The following PTPRJ variants were observed in gnomAD, a reference collection of about 807,000 sequenced individuals.
PTPRJ encodes protein tyrosine phosphatase receptor type J, also known as receptor-type tyrosine-protein phosphatase eta.
PTPRJ carries 129 observed loss-of-function variants against 141.3 expected under a neutral mutation model. The observed-to-expected ratio is 0.91, with a 90% CI of 0.79 to 1.06. The LOEUF (loss-of-function observed/expected upper bound fraction) is 1.06, where lower values mean the gene tolerates loss of function less well. PTPRJ is among the 50% of genes least tolerant of loss of function. PTPRJ has a pLI of 0.00. For synonymous variants in PTPRJ, 610 were observed against 640.5 expected (o/e 0.95, Z 0.72); for missense variants, 1,601 against 1,679.7 (o/e 0.95, Z 0.82).
chr11:48,128,070 C>A (rs959800778), intron 7 of PTPRJ, 27 bp downstream of exon 7: 3 of 1,600,590 alleles, frequency 1.9e-6, no homozygotes, highest in Admixed American at 3.3e-5. Flanking sequence ...CTCTCACCAC[C>A]CTTTCCTGCT....
chr11:48,127,844 G>C lies in PTPRJ; in HGVS notation c.1158G>C (p.Trp386Cys), dbSNP rs773352154. 6.2e-7 allele frequency: 1 copy of C among 1,614,170 alleles called. No individual in the cohort carries two copies. The highest frequency in any genetic ancestry group is 8.5e-7 in the Non-Finnish European group (1 of 1,180,016). ...GTGCCACAAGCCTGACCCTGATCTG[G>C]AAAGTCAGCGATAACGAGTCGTCAT... is the stretch of plus-strand genomic sequence containing the variant. ...NISATSLTLI[W>C]KVSDNESSSN... The change falls in exon 7 of 25, where the codon TGG (tryptophan) becomes TGC (cysteine). Residue 386 changes from tryptophan to cysteine, a missense_variant. Transcript: ENST00000418331.
chr11:48,000,345 T>C (rs573866141), intron 1 of PTPRJ, among the ~76,000 whole-genome samples: 2 of 150,812 alleles, frequency 1.3e-5, no homozygotes, highest in Non-Finnish European at 3.0e-5. Flanking sequence ...GGGGTCTCAC[T>C]ATGTTGCCAC....
At chr11:48,161,361 G>A (rs1445469801) in intron 22 of PTPRJ, among the ~76,000 whole-genome samples, 1 of 152,026 alleles carries the variant, frequency 6.6e-6, no homozygotes, top group Non-Finnish European at 1.5e-5. Context: ...TGAATCTTTT[G>A]GGTGGGTTTT....
chr11:48,040,008 T>C (rs1235208967), intron 1 of PTPRJ, among the ~76,000 whole-genome samples: 2 of 152,194 alleles, frequency 1.3e-5, no homozygotes, highest in South Asian at 2.1e-4. Flanking sequence ...AGGCTGGTCT[T>C]GAACTCCTGA....
In PTPRJ at chr11:48,167,308, T is replaced by C; in HGVS notation, c.3960T>C (p.Tyr1320=). Residue 1320 remains tyrosine (Y), a synonymous_variant, in exon 25 of 25, where the codon TAT becomes TAC. Coordinates refer to ENST00000418331, the MANE Select transcript of PTPRJ (RefSeq NM_002843.4). ...IYQNTTAMTI[Y]ENLAPVTTFG... ...AGAACACAACTGCAATGACAATCTA[T>C]GAAAACCTTGCGCCCGTGACCACAT... The C allele has an allele frequency of 6.2e-7, 1 of 1,614,110 alleles. No homozygotes were observed.
intron 1 of PTPRJ, among the ~76,000 whole-genome samples, chr11:48,108,469 T>C (rs1470091865): frequency 1.3e-5 from 2 of 152,342 alleles, no homozygotes; most frequent in Admixed American, 1.3e-4. Context: ...CACTCCATGG[T>C]TCTGTGCTGA....
At position 47,984,011 on chromosome 11, in the gene PTPRJ, A is replaced by G. The variant is rs1590380350; in HGVS notation, c.96+3003A>G. ...TCTTTAAACTGCTTGTTAGATTCTC[A>G]TATGAGTGACTTTAAATATTTTTGT... On this transcript the variant is annotated intron_variant, in intron 1 of 24. Coordinates refer to ENST00000418331, the MANE Select transcript of PTPRJ (RefSeq NM_002843.4). Among the ~76,000 whole-genome samples the G allele has an allele frequency of 2.6e-5, 4 of 152,348 alleles. No individual in the cohort carries two copies. The South Asian group carries it at 8.3e-4, about 32-fold the overall frequency.
intron 1 of PTPRJ, among the ~76,000 whole-genome samples, chr11:48,011,270 G>C (rs1248592027): frequency 6.6e-6 from 1 of 152,176 alleles, no homozygotes; most frequent in Admixed American, 6.6e-5. Flanking sequence ...GATCAAGCCT[G>C]TGCAGCAATA....
In PTPRJ at chr11:48,139,612, A is replaced by T. The variant is rs185693551; in HGVS notation, c.2279A>T (p.Asn760Ile). The T allele has an allele frequency of 9.9e-6, 16 of 1,614,276 alleles. No homozygotes were observed. Among genetic ancestry groups the T allele is most frequent in the Admixed American group, 5.0e-5 (3 of 60,026 alleles). ...CTGGAGGTCAGCAGTGGAGCCTGGAACAATGCGACCCACCTGGAGAGCTGC... is the reference window on the plus strand; with the variant it reads ...CTGGAGGTCAGCAGTGGAGCCTGGATCAATGCGACCCACCTGGAGAGCTGC... The part of the protein sequence containing the change: ...FELEVSSGAW[N>I]NATHLESCSS... Residue 760 changes from asparagine to isoleucine, a missense_variant, in exon 11 of 25, where the codon AAC becomes ATC. Physicochemically the swap from Asn to Ile is moderately radical, Grantham distance 149. Coordinates refer to ENST00000418331, the MANE Select transcript of PTPRJ (RefSeq NM_002843.4).
chr11:48,047,046 G>A (rs568525301), intron 1 of PTPRJ, among the ~76,000 whole-genome samples: 6 of 150,858 alleles, frequency 4.0e-5, no homozygotes, highest in African/African-American at 1.5e-4. Flanking sequence ...CTCCTGAGTA[G>A]CTGGGATTAC....
intron 1 of PTPRJ, among the ~76,000 whole-genome samples, chr11:48,029,627 A>G (rs1853927564): frequency 6.6e-6 from 1 of 152,236 alleles, no homozygotes; most frequent in South Asian, 2.1e-4. Context: ...ATGCATATAT[A>G]AAGGGTGCTC....
At chr11:48,009,166 C>T (rs1264031252) in intron 1 of PTPRJ, among the ~76,000 whole-genome samples, 3 of 152,102 alleles carry the variant, frequency 2.0e-5, no homozygotes, top group African/African-American at 4.8e-5. Flanking sequence ...AAGTATTGAG[C>T]GGTGGAGGAT....
intron 1 of PTPRJ, among the ~76,000 whole-genome samples, chr11:48,056,898 G>A (rs1854767471): frequency 6.6e-6 from 1 of 152,230 alleles, no homozygotes; most frequent in Admixed American, 6.5e-5. Flanking sequence ...AGGTTGCAGT[G>A]AGCCGAGATT....
intron 1 of PTPRJ, among the ~76,000 whole-genome samples, chr11:48,042,790 G>A (rs1367024750): frequency 6.6e-6 from 1 of 151,702 alleles, no homozygotes; most frequent in Non-Finnish European, 1.5e-5. Context: ...GTGTGTGAGA[G>A]AGAGAGAGAG....
At chr11:47,983,232 G>C (rs1183305062) in intron 1 of PTPRJ, among the ~76,000 whole-genome samples, 2 of 152,076 alleles carry the variant, frequency 1.3e-5, no homozygotes, top group African/African-American at 4.8e-5. Context: ...TTTAATGATA[G>C]GGACGTATCA....
At position 48,169,021 on chromosome 11, in the gene PTPRJ, G is replaced by A. The variant is rs1365424979; in HGVS notation, c.*1659G>A. The A allele has an allele frequency of 1.3e-5, 2 of 151,964 alleles. No individual in the cohort carries two copies. Among genetic ancestry groups the A allele is most frequent in the African/African-American group, 2.4e-5 (1 of 41,348 alleles). The allele number at this position is 151,964 out of a possible 1,614,324, so 9.4% of individuals were successfully genotyped here. A position where few individuals can be genotyped will look rare whatever the true frequency, so the allele number is the denominator to read the frequency against. ...GGTGTGTCCTGTTGAGAATGTGAGCGGGCTCTTCCAGCCTCCTGGTCCCTC... is the reference window on the plus strand; with the variant it reads ...GGTGTGTCCTGTTGAGAATGTGAGCAGGCTCTTCCAGCCTCCTGGTCCCTC... On this transcript the variant is annotated 3_prime_UTR_variant, in exon 25 of 25. Coordinates refer to ENST00000418331, the MANE Select transcript of PTPRJ (RefSeq NM_002843.4).
intron 1 of PTPRJ, among the ~76,000 whole-genome samples, chr11:48,053,703 A>G (rs994085776): frequency 4.7e-5 from 7 of 148,514 alleles, no homozygotes; most frequent in African/African-American, 1.7e-4. Context: ...CAGCCTCCCA[A>G]GCAGCTGGGA....
At position 48,123,776 on chromosome 11, in the gene PTPRJ, G is replaced by C. The variant is rs542341972; in HGVS notation, c.780G>C (p.Ser260=). ...ACTCAAGACTTCAGGTCAATATCTC[G>C]GGCCTGAAGCCAGGGGTTCAATACA... ...TQDSRLQVNI[S]GLKPGVQYNI... The change falls in exon 5 of 25, where the codon TCG becomes TCC. Residue 260 remains serine (S), a synonymous_variant. Coordinates refer to ENST00000418331, the MANE Select transcript of PTPRJ (RefSeq NM_002843.4). The C allele has an allele frequency of 1.2e-5, 19 of 1,614,048 alleles. No individual in the cohort carries two copies. The South Asian group carries it at 1.8e-4, about 15-fold the overall frequency.
At chr11:48,101,657 G>A (rs1394290602) in intron 1 of PTPRJ, among the ~76,000 whole-genome samples, 3 of 152,216 alleles carry the variant, frequency 2.0e-5, no homozygotes, top group Non-Finnish European at 2.9e-5. Context: ...ACCCAGCTGG[G>A]CAGTGGGGAA....
Sources: allele counts gnomAD v4.1 joint callset (sites outside exome capture counted in the v4.1 genomes callset), GRCh38; gene constraint gnomAD v4.1.1; transcripts MANE v1.5; gene names NCBI Gene and HGNC (gene_info 2026-07-23, HGNC 2026-07-21).